The following GFOD2 variants were observed in gnomAD, a reference collection of about 807,000 sequenced individuals.
The protein encoded by GFOD2 is Gfo/Idh/MocA-like oxidoreductase domain containing 2, also known as glucose-fructose oxidoreductase domain-containing protein 2.
Under a neutral mutation model 24.6 loss-of-function variants are expected in GFOD2, and 9 were observed. That is an observed-to-expected ratio of 0.37 (90% CI 0.22 to 0.64). The LOEUF is 0.64. GFOD2 is among the 30% of genes least tolerant of loss of function. GFOD2 has a pLI of 0.65. For synonymous variants in GFOD2, 211 were observed against 224.8 expected, an observed-to-expected ratio of 0.94 and a Z score of 0.55; for missense variants, 476 against 532.5, an observed-to-expected ratio of 0.89 and a Z score of 1.04.
chr16:67,685,647 CAG>C lies in GFOD2; in HGVS notation c.67_68del (p.Leu23GlufsTer8), dbSNP rs2053261002. The C allele has an allele frequency of 6.2e-7, 1 of 1,614,182 alleles. No individual in the cohort carries two copies. The highest frequency in any genetic ancestry group is 2.2e-5 in the East Asian group (1 of 44,874). Reference sequence around the variant, plus strand: ...CCTCAACAGTGAACCCTTCTGCCCTCAGCAGTGGGACCAGAACTCGGGCGGAG... The same window carrying C: ...CCTCAACAGTGAACCCTTCTGCCCTCCAGTGGGACCAGAACTCGGGCGGAG... ...GSSARVLVPLLRAEGFTVEAL... is the reference protein window; with the variant it reads ...GSSARVLVPLXRAEGFTVEAL... On this transcript the variant is annotated frameshift_variant, in exon 2 of 3. Coordinates refer to ENST00000268797, the MANE Select transcript of GFOD2 (RefSeq NM_030819.4). LOFTEE classifies it high-confidence loss of function.
intron 2 of GFOD2, chr16:67,680,336 G>C (rs997255799): frequency 6.6e-6 from 1 of 152,294 alleles, no homozygotes; most frequent in Non-Finnish European, 1.5e-5. Context: ...AGGAGTTAGA[G>C]GCTGCGGTGA....
chr16:67,705,419 G>A (rs1202004156), intron 1 of GFOD2, among the ~76,000 whole-genome samples: 1 of 152,056 alleles, frequency 6.6e-6, no homozygotes, highest in Non-Finnish European at 1.5e-5. Context: ...AGTTGGCCAC[G>A]CTGGTCTTGA....
chr16:67,676,141 G>T, intron 2 of GFOD2, 88 bp from the exon 3 acceptor site: 1 of 1,288,804 alleles, frequency 7.8e-7, no homozygotes, highest in Non-Finnish European at 1.1e-6. Flanking sequence ...GGACTTCTCT[G>T]CCTTACAACT....
intron 1 of GFOD2, among the ~76,000 whole-genome samples, chr16:67,713,394 C>G (rs534358570): frequency 6.6e-6 from 1 of 152,262 alleles, no homozygotes; most frequent in East Asian, 1.9e-4. Context: ...TCCTTCAATT[C>G]AATTCTGACG....
At chr16:67,710,189 G>A (rs575789464) in intron 1 of GFOD2, among the ~76,000 whole-genome samples, 7 of 151,966 alleles carry the variant, frequency 4.6e-5, no homozygotes, top group Non-Finnish European at 8.8e-5. Flanking sequence ...GCAGTGGGGC[G>A]ATCATAGCTT....
At chr16:67,706,960 G>T (rs1223100069) in intron 1 of GFOD2, among the ~76,000 whole-genome samples, 1 of 151,594 alleles carries the variant, frequency 6.6e-6, no homozygotes, top group African/African-American at 2.4e-5. Flanking sequence ...TCGGGAGGCT[G>T]AGGAAGGAGA....
chr16:67,684,862 G>C, intron 2 of GFOD2: 1 of 990,550 alleles, frequency 1.0e-6, no homozygotes, highest in Non-Finnish European at 1.2e-6. Flanking sequence ...CCCAGTCAGG[G>C]GCAAGAGGTT....
chr16:67,677,186 C>T (rs1195019287), intron 2 of GFOD2: 1 of 152,144 alleles, frequency 6.6e-6, no homozygotes, highest in East Asian at 1.9e-4. Flanking sequence ...GGTCTTGATA[C>T]ATGATCTGTG....
At position 67,682,602 on chromosome 16, in the gene GFOD2, G is replaced by A. The variant is rs190993854; in HGVS notation, c.259+2855C>T. The A allele has an allele frequency of 8.2e-5, 81 of 985,338 alleles. No homozygotes were observed. The Admixed American group carries it at 3.1e-3, about 38-fold the overall frequency. 61.0% of individuals were successfully genotyped at this position (985,338 alleles called of 1,614,324 possible). A position where few individuals can be genotyped will look rare whatever the true frequency, so the allele number is the denominator to read the frequency against. On this transcript the variant is annotated intron_variant, in intron 2 of 2. Transcript: ENST00000268797. ...GATGAAGAACATAGGTCAGACCAAA[G>A]CAGAAAACAAGATGCCATAAAAAGA...
chr16:67,675,578 G>C lies in GFOD2; in HGVS notation c.735C>G (p.Gly245=), dbSNP rs756593534. The C allele has an allele frequency of 1.2e-6, 2 of 1,613,292 alleles. No individual in the cohort carries two copies. Among genetic ancestry groups the C allele is most frequent in the Non-Finnish European group, 1.7e-6 (2 of 1,180,052 alleles). ...STVTLNFNMP[G]AFVHEVMVVG... ...CCACCATGACTTCATGCACAAAGGC[G>C]CCTGGCATGTTGAAGTTGAGTGTCA... Residue 245 remains glycine, a synonymous_variant, in exon 3 of 3, where the codon GGC becomes GGG. Transcript: ENST00000268797.
chr16:67,706,127 C>T (rs1314443236), intron 1 of GFOD2, among the ~76,000 whole-genome samples: 1 of 151,752 alleles, frequency 6.6e-6, no homozygotes, highest in Non-Finnish European at 1.5e-5. Flanking sequence ...CAGACGCGTG[C>T]CACCACGCCC....
chr16:67,690,622 T>C (rs2053305126), intron 1 of GFOD2, among the ~76,000 whole-genome samples: 1 of 152,178 alleles, frequency 6.6e-6, no homozygotes, highest in Admixed American at 6.6e-5. Flanking sequence ...TGAGAACCTC[T>C]GAACTATGTT....
intron 2 of GFOD2, chr16:67,676,483 A>G (rs547936623): frequency 5.7e-4 from 102 of 178,266 alleles, no homozygotes; most frequent in Non-Finnish European, 9.2e-4. Context: ...AGAACCCTGA[A>G]TAACACAGGT....
intron 1 of GFOD2, among the ~76,000 whole-genome samples, chr16:67,693,404 G>A (rs149684091): frequency 4.6e-5 from 7 of 152,026 alleles, no homozygotes; most frequent in African/African-American, 9.6e-5. Flanking sequence ...CTATAGGTGC[G>A]TGTCATCACG....
At chr16:67,697,138 C>A (rs1413608118) in intron 1 of GFOD2, among the ~76,000 whole-genome samples, 7 of 152,182 alleles carry the variant, frequency 4.6e-5, no homozygotes, top group Non-Finnish European at 1.0e-4. Context: ...TTTGACAAGG[C>A]CTTGCCTGGG....
intron 2 of GFOD2, chr16:67,683,612 A>C: frequency 8.1e-7 from 1 of 1,231,724 alleles, no homozygotes; most frequent in Non-Finnish European, 1.0e-6. Context: ...TAAGGCCAAA[A>C]CTTACTTGCT....
intron 1 of GFOD2, among the ~76,000 whole-genome samples, chr16:67,700,819 G>T (rs2053397436): frequency 1.3e-5 from 2 of 150,478 alleles, no homozygotes; most frequent in South Asian, 4.2e-4. Context: ...GATCACCCGA[G>T]ATCAGGAGTT....
At chr16:67,712,288 TCCCC>T (rs1209464205) in intron 1 of GFOD2, among the ~76,000 whole-genome samples, 1 of 43,380 alleles carries the variant, frequency 2.3e-5, no homozygotes, top group African/African-American at 8.7e-5. Context: ...CCCCTCCCCC[TCCCC>T]CTCCCCCTCT....
chr16:67,694,136 A>G (rs1014586219), intron 1 of GFOD2, among the ~76,000 whole-genome samples: 1 of 152,066 alleles, frequency 6.6e-6, no homozygotes, highest in Non-Finnish European at 1.5e-5. Context: ...CTGGGATTAC[A>G]GGCACACGCC....
Sources: gnomAD v4.1 joint callset for allele counts (sites outside exome capture counted in the v4.1 genomes callset) on GRCh38, gnomAD v4.1.1 for gene constraint, MANE v1.5 for transcripts, NCBI Gene and HGNC (gene_info 2026-07-23, HGNC 2026-07-21) for gene names.